RNGTT: variants seen among roughly 807,000 people sequenced by gnomAD.
RNGTT encodes the protein RNA guanylyltransferase and 5'-phosphatase, also known as mRNA-capping enzyme.
Under a neutral mutation model 79.3 loss-of-function variants are expected in RNGTT, and 33 were observed. The observed-to-expected ratio is 0.42, with a 90% CI of 0.32 to 0.56. RNGTT has a LOEUF of 0.56. Ranked by LOEUF, RNGTT falls within the 20% of genes least tolerant of loss-of-function variation. The probability of loss-of-function intolerance (pLI) is 0.17; values close to 1 mark genes in which losing one functional copy is unlikely to be tolerated. For synonymous variants in RNGTT, 222 were observed against 235.9 expected (o/e 0.94, Z 0.54); for missense variants, 497 against 739.1 (o/e 0.67, Z 3.80).
intron 4 of RNGTT, among the ~76,000 whole-genome samples, chr6:88,923,266 G>GT (rs1784217909): frequency 6.6e-6 from 1 of 152,056 alleles, no homozygotes; most frequent in Non-Finnish European, 1.5e-5. Flanking sequence ...TTTCCAGGTT[G>GT]TTTTTTTGTT....
chr6:88,658,182 C>T (rs1774051790), intron 14 of RNGTT, among the ~76,000 whole-genome samples: 1 of 152,208 alleles, frequency 6.6e-6, no homozygotes, highest in African/African-American at 2.4e-5. Context: ...CAATCCTGTA[C>T]TGAGGAAGCA....
chr6:88,640,324 A>G (rs1773258925), intron 14 of RNGTT, among the ~76,000 whole-genome samples: 1 of 150,048 alleles, frequency 6.7e-6, no homozygotes, highest in South Asian at 2.1e-4. Context: ...CCAAGGTGGG[A>G]GGATAACTTC....
intron 4 of RNGTT, among the ~76,000 whole-genome samples, chr6:88,908,979 C>T (rs184841840): frequency 6.6e-6 from 1 of 152,192 alleles, no homozygotes; most frequent in Non-Finnish European, 1.5e-5. Flanking sequence ...GGTCCCACTT[C>T]CCCAGGACTC....
At chr6:88,803,512 G>A (rs974859097) in intron 11 of RNGTT, among the ~76,000 whole-genome samples, 1 of 150,154 alleles carries the variant, frequency 6.7e-6, no homozygotes, top group African/African-American at 2.5e-5. Context: ...AGGAGGCGGA[G>A]GTTGCAGTGA....
At chr6:88,727,570 T>C (rs1047214437) in intron 13 of RNGTT, among the ~76,000 whole-genome samples, 1 of 152,180 alleles carries the variant, frequency 6.6e-6, no homozygotes, top group African/African-American at 2.4e-5. Flanking sequence ...ATTGGATAAA[T>C]AGGTCTACAA....
chr6:88,657,935 G>C (rs1774040345), intron 14 of RNGTT, among the ~76,000 whole-genome samples: 1 of 152,136 alleles, frequency 6.6e-6, no homozygotes, highest in African/African-American at 2.4e-5. Flanking sequence ...GCTCAGATCT[G>C]CCCAATCCTG....
intron 4 of RNGTT, among the ~76,000 whole-genome samples, chr6:88,917,246 T>G (rs1269617464): frequency 6.6e-6 from 1 of 152,200 alleles, no homozygotes; most frequent in Non-Finnish European, 1.5e-5. Flanking sequence ...AAATCACCAA[T>G]TTCTACATTC....
chr6:88,741,237 C>T (rs1375228894), intron 13 of RNGTT, among the ~76,000 whole-genome samples: 2 of 151,978 alleles, frequency 1.3e-5, no homozygotes, highest in Non-Finnish European at 2.9e-5. Context: ...AAATGTGGTA[C>T]ACATACACCA....
intron 4 of RNGTT, among the ~76,000 whole-genome samples, chr6:88,908,294 T>C (rs575846683): frequency 8.5e-5 from 13 of 152,138 alleles, no homozygotes; most frequent in South Asian, 8.3e-4. Context: ...AAAGACATCA[T>C]TAAGAATATA....
In RNGTT at chr6:88,963,325, ACGC is replaced by A. The variant is rs1179812819; in HGVS notation, c.64+18_64+20del. 22 of 1,611,334 alleles carry A rather than the reference ACGC, an allele frequency of 1.4e-5. No individual in the cohort carries two copies. Among genetic ancestry groups the A allele is most frequent in the Non-Finnish European group, 1.9e-5 (22 of 1,178,692 alleles). On this transcript the variant is annotated intron_variant, in intron 1 of 15. Coordinates refer to ENST00000369485, the MANE Select transcript of RNGTT (RefSeq NM_003800.5). ...GGCACGTTGGAGTGTGGGGATTCGA[ACGC>A]CCCCCAGTCCAGGTTACCTGCCACC...
At chr6:88,832,630 C>T (rs536675720) in intron 11 of RNGTT, among the ~76,000 whole-genome samples, 26 of 152,260 alleles carry the variant, frequency 1.7e-4, no homozygotes, top group Non-Finnish European at 2.8e-4. Flanking sequence ...AAGAAATTAT[C>T]ATCAGAATGA....
chr6:88,960,549 C>T (rs2127968065), intron 1 of RNGTT, among the ~76,000 whole-genome samples: 1 of 151,926 alleles, frequency 6.6e-6, no homozygotes, highest in East Asian at 1.9e-4. Flanking sequence ...GCCTGGCCAA[C>T]ATGGTGAAAC....
At chr6:88,717,775 C>T (rs140382417) in intron 13 of RNGTT, among the ~76,000 whole-genome samples, 4 of 152,212 alleles carry the variant, frequency 2.6e-5, no homozygotes, top group African/African-American at 9.6e-5. Context: ...AACCACTCCA[C>T]TCTAGCTAAC....
chr6:88,777,347 A>C (rs1025252903), intron 12 of RNGTT, among the ~76,000 whole-genome samples: 5 of 152,126 alleles, frequency 3.3e-5, no homozygotes, highest in African/African-American at 1.2e-4. Flanking sequence ...GTCCCCTACA[A>C]ATTTTAGAAT....
chr6:88,940,162 C>T (rs979581208), intron 2 of RNGTT, among the ~76,000 whole-genome samples: 1 of 151,556 alleles, frequency 6.6e-6, no homozygotes, highest in Non-Finnish European at 1.5e-5. Context: ...ACTGCAACCT[C>T]CGCTTCCCAG....
intron 11 of RNGTT, among the ~76,000 whole-genome samples, chr6:88,831,808 G>C (rs2127889390): frequency 6.6e-6 from 1 of 152,264 alleles, no homozygotes. Context: ...GACAAACAGA[G>C]AGCCAAGTCA....
At chr6:88,905,473 T>C (rs1214558342) in intron 5 of RNGTT, among the ~76,000 whole-genome samples, 2 of 152,242 alleles carry the variant, frequency 1.3e-5, no homozygotes, top group South Asian at 2.1e-4. Context: ...CAACAATGCA[T>C]ACTGCAAAAT....
chr6:88,901,495 C>CTTTTTTTTTTGTTTTT (rs1783459674), intron 6 of RNGTT, among the ~76,000 whole-genome samples: 1 of 65,776 alleles, frequency 1.5e-5, no homozygotes, highest in African/African-American at 7.1e-5. Context: ...GCACCCTGAT[C>CTTTTTTTTTTGTTTTT]TTTTTTTTTT....
At chr6:88,703,208 C>G (rs1053656124) in intron 13 of RNGTT, among the ~76,000 whole-genome samples, 4 of 152,212 alleles carry the variant, frequency 2.6e-5, no homozygotes, top group Admixed American at 2.6e-4. Flanking sequence ...GGGGATGTAT[C>G]CAAAGAAAAC....
Sources: allele counts gnomAD v4.1 joint callset (sites outside exome capture counted in the v4.1 genomes callset), GRCh38; gene constraint gnomAD v4.1.1; transcripts MANE v1.5; gene names NCBI Gene and HGNC (gene_info 2026-07-23, HGNC 2026-07-21).